Variants in PGM1 observed in about 807,000 individuals in gnomAD.
PGM1 encodes the protein phosphoglucomutase 1.
A neutral mutation model predicts 55.6 loss-of-function variants in PGM1; 52 were observed. The observed-to-expected ratio is 0.94, with a 90% CI of 0.75 to 1.18. The LOEUF is 1.18. PGM1 is among the 50% of genes most tolerant of loss of function. PGM1 has a pLI of 0.00. For missense variants in PGM1, 724 were observed against 729.3 expected (o/e 0.99, Z 0.08); for synonymous variants, 287 against 271.7 (o/e 1.06, Z -0.55).
intron 7 of PGM1, among the ~76,000 whole-genome samples, chr1:63,647,221 C>T (rs564820486): frequency 6.6e-5 from 9 of 136,598 alleles, no homozygotes; most frequent in East Asian, 2.2e-4. Context: ...CCAGCCTGGG[C>T]GAAAGAGCGA....
chr1:63,593,885 T>C, intron 1 of PGM1, 151 bp downstream of exon 1: 1 of 1,273,470 alleles, frequency 7.9e-7, no homozygotes, highest in Non-Finnish European at 9.8e-7. Flanking sequence ...GCGCTCGCTC[T>C]TCTGGCCTGG....
In PGM1 at chr1:63,620,640, C is replaced by T. The variant is rs774477676; in HGVS notation, c.247-8785C>T. On this transcript the variant is annotated intron_variant, in intron 1 of 10. Transcript: ENST00000371084. ...AGTGAATAAAGGATTGGTAAGTCTA[C>T]GGTTTCTGCTATGCTCTACTGGGAA... Among the ~76,000 whole-genome samples, 7 of 152,102 alleles carry T rather than the reference C, an allele frequency of 4.6e-5. No individual in the cohort carries two copies. The East Asian group carries it at 5.8e-4, about 13-fold the overall frequency.
rs779705334 is a variant in PGM1, at chr1:63,648,542, T to C, written c.1170T>C (p.Asp390=). The change falls in exon 8 of 11, where the codon GAT becomes GAC. Residue 390 remains aspartate, a synonymous_variant. Coordinates refer to ENST00000371084, the MANE Select transcript of PGM1 (RefSeq NM_002633.3). ...GTTCTGACCACATCCGTGAGAAAGA[T>C]GGACTGTGGGCTGTCCTTGCCTGGC... is the stretch of plus-strand genomic sequence containing the variant. ...GTGSDHIREK[D]GLWAVLAWLS... 5.0e-6 allele frequency: 8 copies of C among 1,614,002 alleles called. No individual in the cohort carries two copies. In the Admixed American group the frequency reaches 1.0e-4, roughly 20 times the overall value.
rs368700493 is a variant in PGM1 at position 63,659,639 on chromosome 1, G to A, written c.1653G>A (p.Glu551=). 1.2e-6 allele frequency: 2 copies of A among 1,614,074 alleles called. No individual in the cohort carries two copies. The highest frequency in any genetic ancestry group is 1.7e-5 in the Admixed American group (1 of 60,012). ...SIALKVSQLQ[E]RTGRTAPTVI... ...CTCTGAAAGTGTCCCAGCTGCAGGA[G>A]AGGACGGGACGCACTGCACCCACTG... Residue 551 remains glutamate (E), a synonymous_variant, in exon 11 of 11, where the codon GAG becomes GAA. Transcript: ENST00000371084.
At chr1:63,610,701 C>T (rs1648541119) in intron 1 of PGM1, among the ~76,000 whole-genome samples, 1 of 152,200 alleles carries the variant, frequency 6.6e-6, no homozygotes, top group Non-Finnish European at 1.5e-5. Context: ...TCAAGATGCT[C>T]TACACCTATT....
At chr1:63,601,461 A>C (rs572292134) in intron 1 of PGM1, among the ~76,000 whole-genome samples, 2 of 152,244 alleles carry the variant, frequency 1.3e-5, no homozygotes, top group Admixed American at 1.3e-4. Flanking sequence ...AAAGTGAAGC[A>C]GGAAAGTTTG....
At chr1:63,630,409 CA>C in intron 3 of PGM1, among the ~76,000 whole-genome samples, 1 of 152,260 alleles carries the variant, frequency 6.6e-6, no homozygotes, top group African/African-American at 2.4e-5. Flanking sequence ...TGCTACATGC[CA>C]AGGTCTTTAC....
At chr1:63,636,178 T>G in intron 5 of PGM1, 56 bp from the exon 6 acceptor site, 1 of 1,521,038 alleles carries the variant, frequency 6.6e-7, no homozygotes, top group Non-Finnish European at 9.1e-7. Flanking sequence ...GAAAGATAGT[T>G]TGATTTCTTA....
chr1:63,659,885 A>G lies in PGM1; in HGVS notation c.*210A>G. 1.6e-6 allele frequency: 1 copy of G among 630,522 alleles called. No homozygotes were observed. The highest frequency in any genetic ancestry group is 3.7e-4 in the Middle Eastern group (1 of 2,722). 39.1% of individuals were successfully genotyped at this position (630,522 alleles called of 1,614,324 possible). A position where few individuals can be genotyped will look rare whatever the true frequency, so the allele number is the denominator to read the frequency against. ...GAAAGAGGACCTGCGGGCTTAGATC[A>G]ATCTCAATTCCTTTTCATGCCCTCC... On this transcript the variant is annotated 3_prime_UTR_variant, in exon 11 of 11. Transcript: ENST00000371084.
At chr1:63,652,007 G>A (rs995241487) in intron 9 of PGM1, among the ~76,000 whole-genome samples, 155 bp downstream of exon 9, 2 of 152,088 alleles carry the variant, frequency 1.3e-5, no homozygotes, top group African/African-American at 2.4e-5. Flanking sequence ...GCTGTCCCAC[G>A]TGACTCTCAC....
intron 5 of PGM1, 63 bp from the exon 6 acceptor site, chr1:63,636,171 A>G: frequency 1.4e-6 from 2 of 1,467,896 alleles, no homozygotes; most frequent in Non-Finnish European, 1.9e-6. Flanking sequence ...CCCCCATGAA[A>G]GATAGTTTGA....
intron 1 of PGM1, among the ~76,000 whole-genome samples, chr1:63,628,652 G>T (rs1022615832): frequency 5.9e-5 from 9 of 152,198 alleles, no homozygotes; most frequent in Non-Finnish European, 1.2e-4. Flanking sequence ...TGTTGAAACA[G>T]ATATAAATTA....
intron 8 of PGM1, 36 bp downstream of exon 8, chr1:63,648,688 G>A (rs764751100): frequency 3.1e-6 from 5 of 1,610,948 alleles, no homozygotes; most frequent in Non-Finnish European, 3.4e-6. Flanking sequence ...AAGGTAAGGT[G>A]GGGAAGTGGG....
intron 1 of PGM1, among the ~76,000 whole-genome samples, chr1:63,616,426 T>A (rs1648713944): frequency 6.6e-6 from 1 of 152,200 alleles, no homozygotes; most frequent in African/African-American, 2.4e-5. Flanking sequence ...GGAGAATGCC[T>A]TCCATGGCTT....
intron 1 of PGM1, among the ~76,000 whole-genome samples, chr1:63,621,631 A>T (rs1648881863): frequency 6.6e-6 from 1 of 152,254 alleles, no homozygotes; most frequent in African/African-American, 2.4e-5. Context: ...TTAATAAAGC[A>T]TGCTTGCTTT....
intron 7 of PGM1, among the ~76,000 whole-genome samples, chr1:63,645,473 C>T (rs959116334): frequency 6.6e-6 from 1 of 152,020 alleles, no homozygotes; most frequent in Admixed American, 6.6e-5. Context: ...CATGAATTCC[C>T]AATATATTAG....
intron 9 of PGM1, among the ~76,000 whole-genome samples, chr1:63,654,130 C>T (rs1281887989): frequency 6.6e-6 from 1 of 152,182 alleles, no homozygotes; most frequent in Non-Finnish European, 1.5e-5. Flanking sequence ...CTTCTCCCAC[C>T]GTAGCTAAGC....
At chr1:63,648,130 A>G (rs948972955) in intron 7 of PGM1, among the ~76,000 whole-genome samples, 3 of 152,156 alleles carry the variant, frequency 2.0e-5, no homozygotes, top group Admixed American at 6.5e-5. Flanking sequence ...GAACTACCTG[A>G]GACTGGGTAA....
At chr1:63,600,454 C>T (rs1203193714) in intron 1 of PGM1, among the ~76,000 whole-genome samples, 6 of 151,892 alleles carry the variant, frequency 4.0e-5, no homozygotes, top group African/African-American at 1.5e-4. Context: ...TATTGAGCAC[C>T]TATTAGGTTC....
Sources: allele counts gnomAD v4.1 joint callset (sites outside exome capture counted in the v4.1 genomes callset), GRCh38; gene constraint gnomAD v4.1.1; transcripts MANE v1.5; gene names NCBI Gene and HGNC (gene_info 2026-07-23, HGNC 2026-07-21).